The following ASTN2 variants were observed in gnomAD, a reference collection of about 807,000 sequenced individuals.
ASTN2 encodes astrotactin-2.
ASTN2 carries 54 observed loss-of-function variants against 139.8 expected under a neutral mutation model. That is an observed-to-expected ratio of 0.39 (90% CI 0.31 to 0.48). The LOEUF is 0.48. Ranked by LOEUF, ASTN2 falls within the 20% of genes least tolerant of loss-of-function variation. ASTN2 has a pLI of 0.95. For synonymous variants in ASTN2, 756 were observed against 719.5 expected (o/e 1.05, Z -0.81); for missense variants, 1,565 against 1,725.1 (o/e 0.91, Z 1.64).
intron 20 of ASTN2, among the ~76,000 whole-genome samples, chr9:116,462,788 ATGTGTGTGTG>A (rs55926547): frequency 0.22 from 31,656 of 145,868 alleles, 3,868 homozygotes; most frequent in East Asian, 0.47. Flanking sequence ...TTGGGTGAGC[ATGTGTGTGTG>A]TGTGTGTGTG....
chr9:117,272,285 G>T (rs1452326193), intron 2 of ASTN2, among the ~76,000 whole-genome samples: 3 of 152,176 alleles, frequency 2.0e-5, no homozygotes, highest in African/African-American at 7.2e-5. Flanking sequence ...CGCTGGAGAG[G>T]CTGGGACACA....
intron 2 of ASTN2, among the ~76,000 whole-genome samples, chr9:117,219,339 C>T (rs1365587063): frequency 1.3e-5 from 2 of 152,058 alleles, no homozygotes; most frequent in East Asian, 3.9e-4. Flanking sequence ...GCCTCTGAGT[C>T]CACACCAGGA....
In ASTN2 at chr9:116,618,413, T is replaced by A. The variant is rs1415255693; in HGVS notation, c.3266A>T (p.Asp1089Val). Residue 1089 changes from aspartate to valine, a missense_variant, in exon 19 of 23, where the codon GAT becomes GTT. This residue lies in a region of ASTN2 where 418 missense variants were observed against 465.8 expected (regional missense o/e 0.90). Coordinates refer to ENST00000313400, the MANE Select transcript of ASTN2 (RefSeq NM_001365068.1). ...SSTVVSLEWV[D>V]VQPAIGTKVS... is the part of the protein sequence containing the mutation. ...CTTGGTCCCAATAGCTGGCTGAACA[T>A]CCACCCACTCCAAGGAGACCACAGT... is the stretch of plus-strand genomic sequence containing the variant. 1 of 1,613,938 alleles carries A rather than the reference T, an allele frequency of 6.2e-7. No homozygotes were observed. Among genetic ancestry groups the A allele is most frequent in the Non-Finnish European group, 8.5e-7 (1 of 1,179,970 alleles).
Position 116,948,785 on chromosome 9 carries a change from G to GTTTTTTTT in ASTN2, c.1889+26415_1889+26422dup, listed in dbSNP as rs58832163. Reference sequence around the variant, plus strand: ...AGAGAGAGGAGAGAAATAATTTGGTGTTTTTTTTTTTTTTTTTTTTTTTTT... The same window carrying GTTTTTTTT: ...AGAGAGAGGAGAGAAATAATTTGGTGTTTTTTTTTTTTTTTTTTTTTTTTTTTTTTTTT... On this transcript the variant is annotated intron_variant, in intron 10 of 22. Coordinates refer to ENST00000313400, the MANE Select transcript of ASTN2 (RefSeq NM_001365068.1). Among the ~76,000 whole-genome samples, 9 of 49,474 alleles carry GTTTTTTTT rather than the reference G, an allele frequency of 1.8e-4. 2 individuals are homozygous for GTTTTTTTT. Among genetic ancestry groups the GTTTTTTTT allele is most frequent in the South Asian group, 2.7e-3 (2 of 734 alleles). The allele number at this position is 49,474 out of a possible 152,430, so 32.5% of individuals were successfully genotyped here.
intron 13 of ASTN2, among the ~76,000 whole-genome samples, chr9:116,798,074 C>A (rs1830747968): frequency 6.6e-6 from 1 of 152,164 alleles, no homozygotes; most frequent in Non-Finnish European, 1.5e-5. Flanking sequence ...AGTTCAAGAC[C>A]AGCCTGGCCA....
intron 19 of ASTN2, among the ~76,000 whole-genome samples, chr9:116,610,480 T>C (rs1297054566): frequency 6.6e-6 from 1 of 152,098 alleles, no homozygotes; most frequent in Admixed American, 6.6e-5. Context: ...GGCGGGTGCC[T>C]GTAATCTCAG....
intron 5 of ASTN2, among the ~76,000 whole-genome samples, chr9:117,046,525 A>G (rs756310445): frequency 6.6e-6 from 1 of 152,120 alleles, no homozygotes; most frequent in Non-Finnish European, 1.5e-5. Context: ...GTAAGCTCTC[A>G]ATATATTTCC....
At position 116,770,103 on chromosome 9, in the gene ASTN2, T is replaced by TAAAA. The variant is rs3041036; in HGVS notation, c.2396+35525_2396+35528dup. Among the ~76,000 whole-genome samples, 225 of 135,292 alleles carry TAAAA rather than the reference T, an allele frequency of 1.7e-3. 1 individual carries two copies. Among genetic ancestry groups the TAAAA allele is most frequent in the East Asian group, 4.7e-3 (22 of 4,706 alleles). The allele number at this position is 135,292 out of a possible 152,430, so 88.8% of individuals were successfully genotyped here. A position where few individuals can be genotyped will look rare whatever the true frequency, so the allele number is the denominator to read the frequency against. Reference sequence around the variant, plus strand: ...GGGCATAAACAAGGGCTCTGAGAGTTAAAAAAAAAAAAAAAACTAAAAAGC... The same window carrying TAAAA: ...GGGCATAAACAAGGGCTCTGAGAGTTAAAAAAAAAAAAAAAAAAAACTAAAAAGC... On this transcript the variant is annotated intron_variant, in intron 13 of 22. Coordinates refer to ENST00000313400, the MANE Select transcript of ASTN2 (RefSeq NM_001365068.1).
intron 6 of ASTN2, among the ~76,000 whole-genome samples, chr9:117,016,127 T>A (rs1480192382): frequency 6.6e-6 from 1 of 152,152 alleles, no homozygotes; most frequent in Non-Finnish European, 1.5e-5. Flanking sequence ...GGATGTTATG[T>A]CCTTATTGAG....
At chr9:116,927,748 A>C (rs1336947908) in intron 10 of ASTN2, among the ~76,000 whole-genome samples, 2 of 152,206 alleles carry the variant, frequency 1.3e-5, no homozygotes, top group Admixed American at 6.5e-5. Context: ...GGTGGGGGGA[A>C]ATTTTCTGAT....
chr9:116,619,771 TCCTC>T (rs1856039332), intron 18 of ASTN2, among the ~76,000 whole-genome samples: 1 of 143,608 alleles, frequency 7.0e-6, no homozygotes, highest in East Asian at 2.1e-4. Context: ...CCTCAAGAGA[TCCTC>T]CCACCTCACC....
chr9:116,716,583 A>G (rs1828319651), intron 16 of ASTN2, among the ~76,000 whole-genome samples: 1 of 152,210 alleles, frequency 6.6e-6, no homozygotes, highest in African/African-American at 2.4e-5. Flanking sequence ...CACACCCATG[A>G]CAGACATTGC....
At chr9:117,162,891 T>C (rs1830584689) in intron 3 of ASTN2, among the ~76,000 whole-genome samples, 1 of 151,950 alleles carries the variant, frequency 6.6e-6, no homozygotes, top group East Asian at 2.0e-4. Context: ...CATGGGAACA[T>C]GCATGCATCC....
intron 4 of ASTN2, among the ~76,000 whole-genome samples, chr9:117,109,271 G>T (rs1446270351): frequency 1.3e-5 from 2 of 151,212 alleles, no homozygotes; most frequent in East Asian, 3.9e-4. Flanking sequence ...GACAGAGGGA[G>T]ACTCTGTCTC....
rs529538549 is a variant in ASTN2 at position 117,004,100 on chromosome 9, C to T, written c.1591+3992G>A. 4.6e-5 allele frequency among the ~76,000 whole-genome samples: 7 copies of T among 151,988 alleles called. No homozygotes were observed. The South Asian group carries it at 1.3e-3, about 27-fold the overall frequency. ...AGAGCTGTGTTACATTTTCACATAG[C>T]TTCTCCAGTTGGGCTATTTATTTAT... On this transcript the variant is annotated intron_variant, in intron 7 of 22. Transcript: ENST00000313400.
intron 11 of ASTN2, among the ~76,000 whole-genome samples, chr9:116,829,451 G>T (rs1831739807): frequency 6.6e-6 from 1 of 151,982 alleles, no homozygotes; most frequent in South Asian, 2.1e-4. Context: ...CTACTATAAA[G>T]AAATACCTGA....
chr9:117,142,044 G>A (rs145910286), intron 3 of ASTN2, among the ~76,000 whole-genome samples: 58 of 152,298 alleles, frequency 3.8e-4, no homozygotes, highest in African/African-American at 1.3e-3. Context: ...AGAAGCATGT[G>A]TGATGATCTG....
chr9:116,468,698 T>C (rs1848724409), intron 20 of ASTN2, among the ~76,000 whole-genome samples: 1 of 152,210 alleles, frequency 6.6e-6, no homozygotes, highest in Non-Finnish European at 1.5e-5. Context: ...TCTGACAATG[T>C]CAACTGAGCA....
intron 3 of ASTN2, among the ~76,000 whole-genome samples, chr9:117,156,643 C>A (rs1264739980): frequency 2.6e-5 from 4 of 151,802 alleles, no homozygotes; most frequent in African/African-American, 9.7e-5. Flanking sequence ...GAAAGAAGAC[C>A]ATGAAGAGGT....
Sources: allele counts gnomAD v4.1 joint callset (sites outside exome capture counted in the v4.1 genomes callset), GRCh38; gene constraint gnomAD v4.1.1; regional missense constraint gnomAD v4.1.1; transcripts MANE v1.5; gene names NCBI Gene and HGNC (gene_info 2026-07-23, HGNC 2026-07-21).